Variants in DLG2 observed in about 807,000 individuals in gnomAD.
The protein encoded by DLG2 is discs large MAGUK scaffold protein 2.
In DLG2, 45 loss-of-function variants were observed where a neutral mutation model predicts 132.5. The ratio of observed to expected loss-of-function variants is 0.34; its 90% CI spans 0.27 to 0.44. DLG2 has a LOEUF of 0.44. Among genes scored for constraint, DLG2 ranks in the 20% least tolerant of loss-of-function variants. The pLI is 1.00. For missense variants in DLG2, 1,045 were observed against 1,196.9 expected (o/e 0.87, Z 1.87); for synonymous variants, 424 against 419.6 (o/e 1.01, Z -0.13).
chr11:84,142,914 A>C (rs2094917161), intron 9 of DLG2, among the ~76,000 whole-genome samples: 1 of 152,004 alleles, frequency 6.6e-6, no homozygotes, highest in African/African-American at 2.4e-5. Flanking sequence ...ACATAAGCCA[A>C]TTCTCATACT....
chr11:85,354,283 T>TA (rs953347151), intron 3 of DLG2, among the ~76,000 whole-genome samples: 1 of 152,074 alleles, frequency 6.6e-6, no homozygotes, highest in Non-Finnish European at 1.5e-5. Flanking sequence ...AAAACTAACT[T>TA]AAAAAAATGA....
chr11:84,804,957 TCCAC>T (rs1219309633), intron 6 of DLG2, among the ~76,000 whole-genome samples: 1 of 152,118 alleles, frequency 6.6e-6, no homozygotes, highest in African/African-American at 2.4e-5. Context: ...AGCTTAGATC[TCCAC>T]TCCCACCTGA....
chr11:85,033,530 C>G (rs1010620136), intron 6 of DLG2, among the ~76,000 whole-genome samples: 3 of 152,260 alleles, frequency 2.0e-5, no homozygotes, highest in Non-Finnish European at 4.4e-5. Context: ...TCATCGCCAA[C>G]TGGCAATAGT....
At chr11:85,380,996 T>C (rs1001701562) in intron 3 of DLG2, among the ~76,000 whole-genome samples, 1 of 152,204 alleles carries the variant, frequency 6.6e-6, no homozygotes, top group Non-Finnish European at 1.5e-5. Flanking sequence ...TTTTGGTTTA[T>C]CTTCTATTTC....
At chr11:84,313,211 G>C (rs2098309595) in intron 7 of DLG2, among the ~76,000 whole-genome samples, 1 of 151,922 alleles carries the variant, frequency 6.6e-6, no homozygotes, top group East Asian at 1.9e-4. Flanking sequence ...CACTTCCTAA[G>C]TTCAAGCAAT....
chr11:83,638,518 G>T (rs2065454238), intron 18 of DLG2, among the ~76,000 whole-genome samples: 1 of 152,150 alleles, frequency 6.6e-6, no homozygotes, highest in Admixed American at 6.5e-5. Flanking sequence ...TATTACTTCT[G>T]TGTGTAATTC....
intron 3 of DLG2, among the ~76,000 whole-genome samples, chr11:85,508,609 T>G (rs924427452): frequency 2.0e-5 from 3 of 152,074 alleles, no homozygotes; most frequent in African/African-American, 7.2e-5. Flanking sequence ...TTTTGTTAAC[T>G]GATATATCTC....
At chr11:83,486,215 C>A (rs1206300986) in intron 21 of DLG2, 24 of 689,400 alleles carry the variant, frequency 3.5e-5, no homozygotes, top group Non-Finnish European at 5.3e-5. Context: ...CAGTTTCATG[C>A]CACTTTTACA....
chr11:83,745,941 A>G (rs1322112107), intron 18 of DLG2, among the ~76,000 whole-genome samples: 1 of 152,248 alleles, frequency 6.6e-6, no homozygotes, highest in Non-Finnish European at 1.5e-5. Flanking sequence ...ACTTCTCAAA[A>G]GAAGACATTT....
chr11:84,586,565 T>C (rs2099530398), intron 6 of DLG2, among the ~76,000 whole-genome samples: 1 of 152,202 alleles, frequency 6.6e-6, no homozygotes, highest in Non-Finnish European at 1.5e-5. Context: ...CATTTAAATG[T>C]CAATTTTTGT....
intron 3 of DLG2, among the ~76,000 whole-genome samples, chr11:85,564,294 T>C (rs955600659): frequency 6.6e-6 from 1 of 152,010 alleles, no homozygotes; most frequent in African/African-American, 2.4e-5. Flanking sequence ...TTACTTTTTT[T>C]CATGCACTGG....
intron 7 of DLG2, among the ~76,000 whole-genome samples, chr11:84,491,731 A>C (rs1344611504): frequency 6.6e-6 from 1 of 152,146 alleles, no homozygotes; most frequent in Non-Finnish European, 1.5e-5. Flanking sequence ...CACATTTCCA[A>C]CTTCCACTTG....
At chr11:84,813,520 T>C (rs1468743028) in intron 6 of DLG2, among the ~76,000 whole-genome samples, 1 of 152,052 alleles carries the variant, frequency 6.6e-6, no homozygotes, top group Non-Finnish European at 1.5e-5. Context: ...CTTTGCAATG[T>C]ATAGGAAAAT....
intron 17 of DLG2, among the ~76,000 whole-genome samples, chr11:83,801,625 A>C (rs1216731622): frequency 6.6e-6 from 1 of 152,192 alleles, no homozygotes; most frequent in Non-Finnish European, 1.5e-5. Flanking sequence ...ACTTATTTTC[A>C]TAAGCTCAAA....
intron 18 of DLG2, among the ~76,000 whole-genome samples, chr11:83,703,500 T>G (rs1259262462): frequency 6.6e-6 from 1 of 152,000 alleles, no homozygotes; most frequent in African/African-American, 2.4e-5. Context: ...AAATACAACA[T>G]TAGCCAGGTG....
intron 15 of DLG2, among the ~76,000 whole-genome samples, chr11:83,882,700 T>C (rs2154076535): frequency 6.6e-6 from 1 of 152,348 alleles, no homozygotes; most frequent in African/African-American, 2.4e-5. Flanking sequence ...TGCAGGCAGT[T>C]TTTTAAATAA....
intron 6 of DLG2, among the ~76,000 whole-genome samples, chr11:84,635,159 A>G (rs1205929371): frequency 6.6e-6 from 1 of 152,220 alleles, no homozygotes; most frequent in African/African-American, 2.4e-5. Context: ...CGGGAATTTC[A>G]GACAGAAGAT....
chr11:84,658,490 T>C (rs896531906), intron 6 of DLG2, among the ~76,000 whole-genome samples: 1 of 152,106 alleles, frequency 6.6e-6, no homozygotes, highest in Non-Finnish European at 1.5e-5. Context: ...TGATATGGTT[T>C]GAATGCTTGT....
At chr11:85,411,978 A>C (rs1467530050) in intron 3 of DLG2, among the ~76,000 whole-genome samples, 1 of 151,844 alleles carries the variant, frequency 6.6e-6, no homozygotes, top group Non-Finnish European at 1.5e-5. Flanking sequence ...CTGCAAATCC[A>C]TTCTATTCTC....
Sources: gnomAD v4.1 joint callset for allele counts (sites outside exome capture counted in the v4.1 genomes callset) on GRCh38, gnomAD v4.1.1 for gene constraint, MANE v1.5 for transcripts, NCBI Gene and HGNC (gene_info 2026-07-23, HGNC 2026-07-21) for gene names.